The following TBPL2 variants were observed in gnomAD, a reference collection of about 807,000 sequenced individuals.
TBPL2 encodes the protein TATA box-binding protein-like 2.
Under a neutral mutation model 38.2 loss-of-function variants are expected in TBPL2, and 40 were observed. The observed-to-expected ratio is 1.05, with a 90% CI of 0.81 to 1.36. TBPL2 has a LOEUF of 1.36. TBPL2 is among the 40% of genes most tolerant of loss of function. The pLI is 0.00. For synonymous variants in TBPL2, 169 were observed against 171.7 expected (o/e 0.98, Z 0.12); for missense variants, 461 against 456.7 (o/e 1.01, Z -0.09).
intron 6 of TBPL2, 97 bp downstream of exon 6, chr14:55,424,062 T>A (rs1885783674): frequency 6.1e-6 from 5 of 816,166 alleles, no homozygotes; most frequent in Non-Finnish European, 9.9e-6. Flanking sequence ...ATAACAAGAA[T>A]TACTTTACCA....
intron 4 of TBPL2, among the ~76,000 whole-genome samples, chr14:55,432,027 A>G (rs1158385825): frequency 1.3e-5 from 2 of 152,214 alleles, no homozygotes; most frequent in Non-Finnish European, 2.9e-5. Flanking sequence ...ACTGTGCACA[A>G]ATGCCTTAAG....
At chr14:55,424,365 G>T (rs1444388595) in intron 5 of TBPL2, 112 bp from the exon 6 acceptor site, 5 of 634,546 alleles carry the variant, frequency 7.9e-6, no homozygotes, top group Non-Finnish European at 1.1e-5. Flanking sequence ...AAATAAGTTA[G>T]CTATTTTATC....
exon 2 of TBPL2, chr14:55,436,573 A>G (rs766660359): frequency 2.5e-6 from 4 of 1,614,008 alleles, no homozygotes; most frequent in Non-Finnish European, 3.4e-6. Context: ...TAGTTGAGGT[A>G]CAATTCCACA....
intron 6 of TBPL2, among the ~76,000 whole-genome samples, chr14:55,414,916 AAG>A (rs1566589325): frequency 6.6e-6 from 1 of 152,240 alleles, no homozygotes; most frequent in Admixed American, 6.5e-5. Context: ...CTAAATTTAA[AAG>A]AGTTTTAAAT....
At chr14:55,425,523 T>C (rs1348936273) in intron 5 of TBPL2, among the ~76,000 whole-genome samples, 2 of 152,220 alleles carry the variant, frequency 1.3e-5, no homozygotes, top group Admixed American at 1.3e-4. Context: ...ATTAGGAATA[T>C]ACTTCATTTT....
chr14:55,426,061 G>C (rs1486379030), intron 5 of TBPL2, among the ~76,000 whole-genome samples: 1 of 152,124 alleles, frequency 6.6e-6, no homozygotes, highest in African/African-American at 2.4e-5. Flanking sequence ...GAGGTCAGGA[G>C]TTCAAGACCA....
At chr14:55,428,125 T>TTTTTTTTTC (rs1230146487) in intron 5 of TBPL2, among the ~76,000 whole-genome samples, 1 of 92,366 alleles carries the variant, frequency 1.1e-5, no homozygotes, top group Non-Finnish European at 2.3e-5. Flanking sequence ...TTATCTTTTT[T>TTTTTTTTTC]TTTTTTTTTT....
chr14:55,440,098 A>AATC (rs1566596682), intron 1 of TBPL2, among the ~76,000 whole-genome samples: 1 of 151,238 alleles, frequency 6.6e-6, no homozygotes, highest in African/African-American at 2.4e-5. Flanking sequence ...TCTCAGAGAA[A>AATC]AATCAATCAA....
At chr14:55,421,325 T>C (rs1885741481) in intron 6 of TBPL2, among the ~76,000 whole-genome samples, 1 of 152,194 alleles carries the variant, frequency 6.6e-6, no homozygotes, top group African/African-American at 2.4e-5. Context: ...TCACTTCCTC[T>C]AGGACATGTA....
intron 6 of TBPL2, among the ~76,000 whole-genome samples, chr14:55,423,059 G>A (rs1462160856): frequency 6.6e-6 from 1 of 151,928 alleles, no homozygotes; most frequent in Non-Finnish European, 1.5e-5. Context: ...CAAATCCCGA[G>A]AAAATACAAG....
intron 4 of TBPL2, among the ~76,000 whole-genome samples, chr14:55,429,363 C>T (rs1885885852): frequency 6.6e-6 from 1 of 152,212 alleles, no homozygotes; most frequent in African/African-American, 2.4e-5. Flanking sequence ...TGCAGAAACT[C>T]TGGGGGTGGG....
exon 2 of TBPL2, chr14:55,436,992 G>T: frequency 6.2e-7 from 1 of 1,614,098 alleles, no homozygotes; most frequent in South Asian, 1.1e-5. Flanking sequence ...GGCTGAACAG[G>T]GGAGACCTGG....
intron 6 of TBPL2, among the ~76,000 whole-genome samples, chr14:55,421,284 T>C (rs1181184700): frequency 6.6e-6 from 1 of 152,160 alleles, no homozygotes; most frequent in East Asian, 1.9e-4. Context: ...CTCTGATATC[T>C]ACACTATTCA....
At chr14:55,430,438 G>C (rs1392971554) in intron 4 of TBPL2, among the ~76,000 whole-genome samples, 2 of 144,872 alleles carry the variant, frequency 1.4e-5, no homozygotes, top group Non-Finnish European at 3.0e-5. Flanking sequence ...TTGGGTTTTT[G>C]CTCTGTTACC....
At chr14:55,435,919 A>G in exon 3 of TBPL2, 2 of 1,578,540 alleles carry the variant, frequency 1.3e-6, no homozygotes, top group South Asian at 1.2e-5. Context: ...CCAGGTTTAC[A>G]GTGGAAACTA....
chr14:55,437,634 T>C (rs1026741788), intron 1 of TBPL2, among the ~76,000 whole-genome samples: 1 of 152,274 alleles, frequency 6.6e-6, no homozygotes, highest in African/African-American at 2.4e-5. Context: ...TAGAGGCAAT[T>C]GAGCAACCAT....
chr14:55,416,423 C>A (rs1175844487), intron 6 of TBPL2, among the ~76,000 whole-genome samples: 1 of 151,576 alleles, frequency 6.6e-6, no homozygotes, highest in Non-Finnish European at 1.5e-5. Flanking sequence ...GACACCCTGT[C>A]TCCATAAAAA....
rs540257104 is a variant in TBPL2, at chr14:55,431,639, A to G, written c.788+1991T>C. Among the ~76,000 whole-genome samples, 19 of 152,372 alleles carry G rather than the reference A, an allele frequency of 1.2e-4. No homozygotes were observed. In the South Asian group the frequency reaches 3.9e-3, roughly 32 times the overall value. ...GATCAACATAAGAGAAAGTCCAGCA[A>G]TGTACTCAGACACATGTGAAGAACT... On this transcript the variant is annotated intron_variant, in intron 4 of 6. Coordinates refer to ENST00000247219, the Ensembl canonical transcript of TBPL2.
intron 5 of TBPL2, among the ~76,000 whole-genome samples, chr14:55,428,114 C>CTTTTT (rs1295728785): frequency 2.2e-5 from 2 of 91,992 alleles, no homozygotes; most frequent in Non-Finnish European, 4.7e-5. Context: ...TTTCACATGC[C>CTTTTT]TTATCTTTTT....
Sources: allele counts gnomAD v4.1 joint callset (sites outside exome capture counted in the v4.1 genomes callset), GRCh38; gene constraint gnomAD v4.1.1; transcripts MANE v1.5; gene names NCBI Gene and HGNC (gene_info 2026-07-23, HGNC 2026-07-21).